The following CPED1 variants were observed in gnomAD, a reference collection of about 807,000 sequenced individuals.
CPED1 encodes the protein cadherin like and PC-esterase domain containing 1, also known as cadherin-like and PC-esterase domain-containing protein 1.
Under a neutral mutation model 128.2 loss-of-function variants are expected in CPED1, and 114 were observed. The observed-to-expected ratio is 0.89, with a 90% CI of 0.76 to 1.04. The LOEUF is 1.04. Among genes scored for constraint, CPED1 ranks in the 50% least tolerant of loss-of-function variants. The pLI, the probability that CPED1 is intolerant of heterozygous loss-of-function variation, is 0.00. For missense variants in CPED1, 1,211 were observed against 1,207.1 expected, an observed-to-expected ratio of 1.00 and a Z score of -0.05; for synonymous variants, 462 against 426.7, an observed-to-expected ratio of 1.08 and a Z score of -1.02.
intron 16 of CPED1, among the ~76,000 whole-genome samples, chr7:121,201,795 A>G (rs1405063541): frequency 6.6e-6 from 1 of 151,962 alleles, no homozygotes; most frequent in African/African-American, 2.4e-5. Context: ...TGCAGTTTAT[A>G]TTTTTTTCTT....
At chr7:121,226,611 A>T (rs1198004955) in intron 16 of CPED1, among the ~76,000 whole-genome samples, 1 of 152,100 alleles carries the variant, frequency 6.6e-6, no homozygotes, top group Admixed American at 6.6e-5. Context: ...ATGAAGTCTT[A>T]GCAGTATAAT....
chr7:121,214,804 C>A (rs542775417), intron 16 of CPED1, among the ~76,000 whole-genome samples: 1 of 152,158 alleles, frequency 6.6e-6, no homozygotes, highest in Middle Eastern at 3.4e-3. Flanking sequence ...ATTAGCATTT[C>A]TGAGCTGAAT....
intron 5 of CPED1, among the ~76,000 whole-genome samples, chr7:121,065,653 T>C (rs190470249): frequency 1.3e-5 from 2 of 152,254 alleles, no homozygotes; most frequent in Admixed American, 1.3e-4. Context: ...AGATTACCAG[T>C]GTTTTAAAAA....
At chr7:121,174,747 C>T (rs897078949) in intron 16 of CPED1, among the ~76,000 whole-genome samples, 1 of 151,900 alleles carries the variant, frequency 6.6e-6, no homozygotes, top group Admixed American at 6.6e-5. Flanking sequence ...ATAGTTTTTT[C>T]TAGTTCTATG....
intron 16 of CPED1, among the ~76,000 whole-genome samples, chr7:121,158,701 T>C (rs1290971699): frequency 6.6e-6 from 1 of 152,150 alleles, no homozygotes; most frequent in African/African-American, 2.4e-5. Flanking sequence ...CTGCAGGATA[T>C]GGAATATTAA....
In CPED1 at chr7:121,144,073, T is replaced by C. The variant is rs112667201; in HGVS notation, c.2055+1932T>C. On this transcript the variant is annotated intron_variant, in intron 16 of 22. Coordinates refer to ENST00000310396, the MANE Select transcript of CPED1 (RefSeq NM_024913.5). ...CAAGGATGTGGAGAAAAGAGAACCC[T>C]TGTACTCTGTTTGTGGGAAAGTAAA... Among the ~76,000 whole-genome samples, 1,011 of 152,188 alleles carry C rather than the reference T, an allele frequency of 6.6e-3. 13 individuals carry two copies. Among genetic ancestry groups the C allele is most frequent in the African/African-American group, 0.022 (904 of 41,564 alleles).
chr7:121,116,966 A>G (rs201302289), intron 7 of CPED1, among the ~76,000 whole-genome samples: 2 of 135,898 alleles, frequency 1.5e-5, no homozygotes, highest in Non-Finnish European at 3.1e-5. Context: ...CTCTCTCTAT[A>G]TATATATATA....
At chr7:121,016,004 T>C (rs1031578120) in intron 3 of CPED1, among the ~76,000 whole-genome samples, 156 bp downstream of exon 3, 6 of 152,260 alleles carry the variant, frequency 3.9e-5, no homozygotes, top group Non-Finnish European at 5.9e-5. Flanking sequence ...CTCTTTTTTT[T>C]AACTTCCCCT....
intron 5 of CPED1, among the ~76,000 whole-genome samples, chr7:121,093,069 G>C (rs946047761): frequency 4.6e-5 from 7 of 152,038 alleles, no homozygotes; most frequent in African/African-American, 1.7e-4. Flanking sequence ...CTTAGACTAG[G>C]CTTCTATTGT....
At chr7:121,046,523 A>AT (rs1201343417) in intron 3 of CPED1, among the ~76,000 whole-genome samples, 1 of 151,896 alleles carries the variant, frequency 6.6e-6, no homozygotes, top group Non-Finnish European at 1.5e-5. Flanking sequence ...AGATTTTATT[A>AT]TTTTTTCTCC....
intron 5 of CPED1, among the ~76,000 whole-genome samples, chr7:121,069,207 A>G (rs1360612326): frequency 2.0e-5 from 3 of 152,144 alleles, no homozygotes; most frequent in African/African-American, 4.8e-5. Flanking sequence ...AGTGTCTCCA[A>G]CAATTTCAGA....
At chr7:121,115,724 T>C (rs60326700) in intron 7 of CPED1, among the ~76,000 whole-genome samples, 15,299 of 152,238 alleles carry the variant, frequency 0.1, 1,272 homozygotes, top group African/African-American at 0.22. Context: ...AGGTAATTAA[T>C]AAAAGATGGA....
At chr7:121,182,621 A>G (rs1399996636) in intron 16 of CPED1, among the ~76,000 whole-genome samples, 3 of 151,542 alleles carry the variant, frequency 2.0e-5, no homozygotes, top group Non-Finnish European at 2.9e-5. Flanking sequence ...TGAGACTTCT[A>G]TTTTAACTGA....
chr7:121,026,270 A>G (rs959641620), intron 3 of CPED1, among the ~76,000 whole-genome samples: 7 of 152,164 alleles, frequency 4.6e-5, no homozygotes, highest in African/African-American at 1.4e-4. Context: ...TGGCCTGTTC[A>G]GGGGTCTACC....
At chr7:121,050,859 G>A (rs1294987267) in intron 4 of CPED1, 17 of 471,466 alleles carry the variant, frequency 3.6e-5, no homozygotes, top group South Asian at 7.7e-5. Flanking sequence ...GAAGGCTCTC[G>A]GTACGATGAG....
At chr7:121,122,418 G>A (rs944060967) in intron 7 of CPED1, among the ~76,000 whole-genome samples, 3 of 152,306 alleles carry the variant, frequency 2.0e-5, no homozygotes, top group East Asian at 1.9e-4. Flanking sequence ...TGGGATTATA[G>A]GCGTGAGCCA....
chr7:121,244,469 C>G lies in CPED1; in HGVS notation c.2310+131C>G, dbSNP rs574526260. The G allele has an allele frequency of 1.7e-4, 152 of 873,642 alleles. 1 individual carries two copies. The African/African-American group carries it at 2.3e-3, about 13-fold the overall frequency. 54.1% of individuals were successfully genotyped at this position (873,642 alleles called of 1,614,324 possible). ...GGAAAACTAACTGAATGCAATATGG[C>G]TTTTTGAATCATGTATAGATGTTAT... On this transcript the variant is annotated intron_variant, in intron 18 of 22. Coordinates refer to ENST00000310396, the MANE Select transcript of CPED1 (RefSeq NM_024913.5).
At chr7:121,142,550 A>G (rs978704304) in intron 16 of CPED1, among the ~76,000 whole-genome samples, 10 of 152,048 alleles carry the variant, frequency 6.6e-5, no homozygotes, top group Non-Finnish European at 1.3e-4. Flanking sequence ...TTATGAAGCT[A>G]TTTTACAAGA....
intron 16 of CPED1, among the ~76,000 whole-genome samples, chr7:121,228,939 G>A (rs1360797104): frequency 2.0e-5 from 3 of 151,964 alleles, no homozygotes; most frequent in African/African-American, 7.2e-5. Context: ...TGATCACATG[G>A]TGGTAGAGAG....
Sources: allele counts gnomAD v4.1 joint callset (sites outside exome capture counted in the v4.1 genomes callset), GRCh38; gene constraint gnomAD v4.1.1; transcripts MANE v1.5; gene names NCBI Gene and HGNC (gene_info 2026-07-23, HGNC 2026-07-21).